MACROD2: variants seen among roughly 807,000 people sequenced by gnomAD.
MACROD2 encodes ADP-ribose glycohydrolase MACROD2.
MACROD2 carries 36 observed loss-of-function variants against 70.4 expected under a neutral mutation model. The observed-to-expected ratio is 0.51, with a 90% CI of 0.39 to 0.68. The LOEUF (loss-of-function observed/expected upper bound fraction) is 0.68. MACROD2 is among the 30% of genes least tolerant of loss of function. The pLI, the probability that MACROD2 is intolerant of heterozygous loss-of-function variation, is 0.00. For missense variants in MACROD2, 496 were observed against 538.4 expected (o/e 0.92, Z 0.78); for synonymous variants, 172 against 178.8 (o/e 0.96, Z 0.30).
At chr20:16,004,134 T>G (rs1414031481) in intron 15 of MACROD2, among the ~76,000 whole-genome samples, 1 of 152,142 alleles carries the variant, frequency 6.6e-6, no homozygotes, top group Non-Finnish European at 1.5e-5. Context: ...CCCCAGTACC[T>G]GCAGCTGAGA....
chr20:15,062,374 G>A (rs1370735550), intron 5 of MACROD2, among the ~76,000 whole-genome samples: 5 of 152,092 alleles, frequency 3.3e-5, no homozygotes, highest in South Asian at 2.1e-4. Flanking sequence ...ATGTACTTAC[G>A]TAAAAATTAT....
chr20:14,075,768 C>T (rs534416254), intron 2 of MACROD2, among the ~76,000 whole-genome samples: 14 of 152,158 alleles, frequency 9.2e-5, no homozygotes, highest in Non-Finnish European at 1.3e-4. Context: ...CACTGTCCCT[C>T]GTTGAAGGTT....
At chr20:14,276,027 TG>T (rs1282387449) in intron 3 of MACROD2, among the ~76,000 whole-genome samples, 2 of 151,378 alleles carry the variant, frequency 1.3e-5, no homozygotes, top group Non-Finnish European at 3.0e-5. Flanking sequence ...ACACTGTTGG[TG>T]GGACTGTAAA....
At chr20:15,066,922 C>A (rs1437551667) in intron 5 of MACROD2, among the ~76,000 whole-genome samples, 2 of 151,008 alleles carry the variant, frequency 1.3e-5, no homozygotes, top group South Asian at 2.1e-4. Flanking sequence ...GAACTACAGG[C>A]TCTTATTTAA....
At chr20:14,523,762 G>A (rs1036489493) in intron 4 of MACROD2, among the ~76,000 whole-genome samples, 2 of 152,084 alleles carry the variant, frequency 1.3e-5, no homozygotes, top group South Asian at 2.1e-4. Context: ...TGTTTTCTGG[G>A]TACCCCCAAA....
chr20:14,218,784 A>T (rs527867667), intron 3 of MACROD2, among the ~76,000 whole-genome samples: 1 of 152,302 alleles, frequency 6.6e-6, no homozygotes, highest in East Asian at 1.9e-4. Context: ...TCTTTTCTTC[A>T]TATATGATGG....
At chr20:15,611,847 C>T (rs16996118) in intron 8 of MACROD2, among the ~76,000 whole-genome samples, 3,731 of 146,584 alleles carry the variant, frequency 0.025, 163 homozygotes, top group African/African-American at 0.09. Context: ...AGCAAATTCC[C>T]GGGAGCTGGG....
chr20:14,010,646 C>T (rs561039529), intron 2 of MACROD2, among the ~76,000 whole-genome samples: 11 of 151,494 alleles, frequency 7.3e-5, no homozygotes, highest in Non-Finnish European at 1.6e-4. Flanking sequence ...TTTTCTGGCA[C>T]TGCATCTGGT....
Position 15,921,417 on chromosome 20 carries a change from G to A in MACROD2, c.776-11859G>A, listed in dbSNP as rs142436840. On this transcript the variant is annotated intron_variant, in intron 10 of 17. Transcript: ENST00000684519. ...GGCACTCCCGCCCCATAGGCCCCTC[G>A]TAAGTCTTTGAAGATGCCAAAGCCT... 9.2e-4 allele frequency among the ~76,000 whole-genome samples: 140 copies of A among 152,230 alleles called. 1 individual carries two copies. In the East Asian group the frequency reaches 0.02, roughly 21 times the overall value.
intron 8 of MACROD2, among the ~76,000 whole-genome samples, chr20:15,529,759 C>T (rs575521954): frequency 1.4e-3 from 210 of 152,178 alleles, no homozygotes; most frequent in African/African-American, 4.7e-3. Flanking sequence ...GACTGATATC[C>T]GCCCCCCCCA....
At chr20:15,951,481 G>A (rs1349274156) in intron 12 of MACROD2, among the ~76,000 whole-genome samples, 3 of 152,000 alleles carry the variant, frequency 2.0e-5, no homozygotes, top group African/African-American at 7.2e-5. Flanking sequence ...AAAAGACAAG[G>A]TTTAAGCATT....
chr20:15,219,824 T>A (rs1203019228), intron 5 of MACROD2, among the ~76,000 whole-genome samples: 1 of 152,186 alleles, frequency 6.6e-6, no homozygotes, highest in Non-Finnish European at 1.5e-5. Context: ...GTCTAGAAAG[T>A]CTGTCATGTT....
chr20:15,533,706 C>G (rs1461619893), intron 8 of MACROD2, among the ~76,000 whole-genome samples: 1 of 152,174 alleles, frequency 6.6e-6, no homozygotes, highest in Non-Finnish European at 1.5e-5. Flanking sequence ...CATAGGCACT[C>G]TATGGGCTGG....
intron 2 of MACROD2, among the ~76,000 whole-genome samples, chr20:14,061,117 A>G (rs1429779518): frequency 6.6e-6 from 1 of 152,118 alleles, no homozygotes; most frequent in Non-Finnish European, 1.5e-5. Flanking sequence ...GCACTCTCAC[A>G]CTGAAAAGCA....
chr20:15,584,561 A>G (rs1395743366), intron 8 of MACROD2, among the ~76,000 whole-genome samples: 1 of 152,256 alleles, frequency 6.6e-6, no homozygotes, highest in Non-Finnish European at 1.5e-5. Context: ...AGCAAATAAA[A>G]GTAAAAGGGA....
chr20:15,926,434 C>G (rs530238988), intron 10 of MACROD2, among the ~76,000 whole-genome samples: 5 of 152,082 alleles, frequency 3.3e-5, no homozygotes, highest in Admixed American at 2.6e-4. Flanking sequence ...CCCTTGCCTC[C>G]GTGGAGCTTA....
At chr20:14,831,342 T>A (rs754455395) in intron 5 of MACROD2, among the ~76,000 whole-genome samples, 1 of 152,240 alleles carries the variant, frequency 6.6e-6, no homozygotes, top group African/African-American at 2.4e-5. Context: ...CGTGACTGTT[T>A]AGAGGCATAA....
chr20:15,126,830 A>G (rs2076070572), intron 5 of MACROD2, among the ~76,000 whole-genome samples: 1 of 152,164 alleles, frequency 6.6e-6, no homozygotes, highest in Non-Finnish European at 1.5e-5. Flanking sequence ...TGTAAAATAA[A>G]AGGATAATTT....
intron 3 of MACROD2, among the ~76,000 whole-genome samples, chr20:14,427,736 T>C (rs1189888001): frequency 6.6e-6 from 1 of 152,116 alleles, no homozygotes; most frequent in Non-Finnish European, 1.5e-5. Flanking sequence ...CTTAGAAATA[T>C]AGCTGGTGTT....
Sources: gnomAD v4.1 joint callset for allele counts (sites outside exome capture counted in the v4.1 genomes callset) on GRCh38, gnomAD v4.1.1 for gene constraint, MANE v1.5 for transcripts, NCBI Gene and HGNC (gene_info 2026-07-23, HGNC 2026-07-21) for gene names.